Variants in SLC7A6 observed in about 807,000 individuals in gnomAD.
SLC7A6 encodes Y+L amino acid transporter 2.
A neutral mutation model predicts 46.6 loss-of-function variants in SLC7A6; 29 were observed. The ratio of observed to expected loss-of-function variants is 0.62; its 90% confidence interval spans 0.46 to 0.85. The LOEUF (loss-of-function observed/expected upper bound fraction) is 0.85, where lower values mean the gene tolerates loss of function less well. SLC7A6 is among the 40% of genes least tolerant of loss of function. The pLI, the probability that SLC7A6 is intolerant of heterozygous loss-of-function variation, is 0.00. For synonymous variants in SLC7A6, 276 were observed against 257.3 expected (o/e 1.07, Z -0.70); for missense variants, 527 against 647.6 (o/e 0.81, Z 2.02).
chr16:68,273,410 AT>A (rs1381186782), intron 2 of SLC7A6, among the ~76,000 whole-genome samples: 1 of 152,148 alleles, frequency 6.6e-6, no homozygotes, highest in African/African-American at 2.4e-5. Context: ...GGCCCACCAG[AT>A]TTCTTCTGAA....
chr16:68,279,731 G>GT (rs2042795585), intron 3 of SLC7A6, among the ~76,000 whole-genome samples: 1 of 152,144 alleles, frequency 6.6e-6, no homozygotes, highest in Admixed American at 6.6e-5. Context: ...TAGAGATGCG[G>GT]TTTTACCATA....
chr16:68,291,771 G>GTGTGTGTA (rs1405321446), intron 7 of SLC7A6, 110 bp downstream of exon 7: 20 of 625,964 alleles, frequency 3.2e-5, no homozygotes, highest in Non-Finnish European at 4.6e-5. Context: ...GGGTGTGTGT[G>GTGTGTGTA]TGTGTGTGTG....
At chr16:68,290,942 C>A in intron 5 of SLC7A6, 1 of 505,434 alleles carries the variant, frequency 2.0e-6, no homozygotes. Context: ...CCTCTGAGAT[C>A]ACAGATGCAG....
intron 2 of SLC7A6, among the ~76,000 whole-genome samples, chr16:68,268,250 G>A (rs2042568487): frequency 1.3e-5 from 2 of 152,202 alleles, no homozygotes; most frequent in African/African-American, 2.4e-5. Flanking sequence ...TTGTGGAACT[G>A]AGCCCTTCTG....
In SLC7A6 at chr16:68,296,510, C is replaced by A. The variant is rs1260194441; in HGVS notation, c.1266C>A (p.Leu422=). 9.3e-6 allele frequency: 15 copies of A among 1,614,072 alleles called. No homozygotes were observed. The highest frequency in any genetic ancestry group is 1.2e-5 in the Non-Finnish European group (14 of 1,180,036). The change falls in exon 9 of 11, where the codon CTC becomes CTA. Residue 422 remains leucine, a synonymous_variant. Transcript: ENST00000219343. ...RWKEPKRPRP[L]KLSVFFPIVF... is the part of the protein sequence containing the mutation. ...AGGAGCCCAAGCGGCCCCGGCCTCT[C>A]AAGGTCAGCAGCTCTGGCCAGACTA...
intron 2 of SLC7A6, among the ~76,000 whole-genome samples, chr16:68,267,505 G>A (rs975020896): frequency 2.6e-5 from 4 of 152,058 alleles, no homozygotes. Context: ...GTGAGACACC[G>A]CGCCTGGCCA....
At chr16:68,296,858 C>T (rs369674092) in intron 10 of SLC7A6, 48 bp downstream of exon 10, 22 of 1,594,592 alleles carry the variant, frequency 1.4e-5, no homozygotes, top group South Asian at 2.2e-5. Context: ...TGTGTGCATG[C>T]GCATGCAGAG....
Position 68,300,857 on chromosome 16 carries a change from G to C in SLC7A6, c.*3529G>C. 4 of 987,968 alleles carry C rather than the reference G, an allele frequency of 4.0e-6. No homozygotes were observed. The highest frequency in any genetic ancestry group is 3.6e-6 in the Non-Finnish European group (3 of 831,758). The allele number at this position is 987,968 out of a possible 1,614,324, so 61.2% of individuals were successfully genotyped here. On this transcript the variant is annotated 3_prime_UTR_variant, in exon 11 of 11. Transcript: ENST00000219343. ...GTACCCCTTTTAGATTCTATCAAAA[G>C]GAACAGGGTTTTCCTAGAGGCAGGC...
chr16:68,295,992 C>T (rs2043156473), intron 8 of SLC7A6, among the ~76,000 whole-genome samples: 2 of 152,122 alleles, frequency 1.3e-5, no homozygotes, highest in Non-Finnish European at 1.5e-5. Flanking sequence ...AGGCGTTTCC[C>T]CCATTTGTAT....
intron 10 of SLC7A6, 145 bp downstream of exon 10, chr16:68,296,955 A>G: frequency 1.1e-6 from 1 of 871,418 alleles, no homozygotes; most frequent in Non-Finnish European, 1.8e-6. Flanking sequence ...TTTGATTTTG[A>G]CATGATCACT....
intron 4 of SLC7A6, 144 bp from the exon 5 acceptor site, chr16:68,290,252 C>T: frequency 1.9e-4 from 142 of 745,280 alleles, no homozygotes; most frequent in South Asian, 1.0e-3. Flanking sequence ...TTTCTTGTTC[C>T]TCCCCATTCC....
chr16:68,289,874 G>A (rs1466813563), intron 4 of SLC7A6, among the ~76,000 whole-genome samples: 1 of 152,202 alleles, frequency 6.6e-6, no homozygotes, highest in African/African-American at 2.4e-5. Context: ...CCATGAGGCT[G>A]ATAAACCCAT....
In SLC7A6 at chr16:68,300,649, G is replaced by T; in HGVS notation, c.*3321G>T. ...CAAAGCTAGATTTTACTAAACACAT[G>T]TATCACATTCATATATATTGTTTCT... On this transcript the variant is annotated 3_prime_UTR_variant, in exon 11 of 11. Coordinates refer to ENST00000219343, the MANE Select transcript of SLC7A6 (RefSeq NM_003983.6). 1 of 985,426 alleles carries T rather than the reference G, an allele frequency of 1.0e-6. No individual in the cohort carries two copies. Among genetic ancestry groups the T allele is most frequent in the Non-Finnish European group, 1.2e-6 (1 of 829,924 alleles). 61.0% of individuals were successfully genotyped at this position (985,426 alleles called of 1,614,324 possible).
Position 68,300,531 on chromosome 16 carries a change from T to C in SLC7A6, c.*3203T>C. ...TCCCTTGCCTTAAGTCCTTGGTATTTATAATCAATGCTGAACCTTCTATTT... is the reference window on the plus strand; with the variant it reads ...TCCCTTGCCTTAAGTCCTTGGTATTCATAATCAATGCTGAACCTTCTATTT... On this transcript the variant is annotated 3_prime_UTR_variant, in exon 11 of 11. Coordinates refer to ENST00000219343, the MANE Select transcript of SLC7A6 (RefSeq NM_003983.6). 1.2e-6 allele frequency: 1 copy of C among 831,470 alleles called. No individual in the cohort carries two copies. The highest frequency in any genetic ancestry group is 5.5e-5 in the South Asian group (1 of 18,270). 51.5% of individuals were successfully genotyped at this position (831,470 alleles called of 1,614,324 possible).
intron 2 of SLC7A6, among the ~76,000 whole-genome samples, chr16:68,269,838 G>A (rs1413087090): frequency 6.6e-6 from 1 of 152,062 alleles, no homozygotes. Context: ...TGCCATCATG[G>A]TTCACTGCAG....
chr16:68,268,258 C>A (rs1376172053), intron 2 of SLC7A6, among the ~76,000 whole-genome samples: 1 of 152,178 alleles, frequency 6.6e-6, no homozygotes, highest in Non-Finnish European at 1.5e-5. Context: ...CTGAGCCCTT[C>A]TGCTGTGGGA....
chr16:68,296,448 G>C lies in SLC7A6; in HGVS notation c.1204G>C (p.Gly402Arg). The change falls in exon 9 of 11, where the codon GGC becomes CGC. Residue 402 changes from glycine to arginine, a missense_variant. By Grantham distance (125) the Gly-to-Arg change is moderately radical. Transcript: ENST00000219343. Reference sequence around the variant, plus strand: ...CAGCTTCAGCTACTGGTTCTTCGTGGGCCTGTCTGTTGTTGGACAGCTCTA... The same window carrying C: ...CAGCTTCAGCTACTGGTTCTTCGTGCGCCTGTCTGTTGTTGGACAGCTCTA... ...YFSFSYWFFVGLSVVGQLYLR... is the reference protein window; with the variant it reads ...YFSFSYWFFVRLSVVGQLYLR... 6.2e-7 allele frequency: 1 copy of C among 1,614,098 alleles called. No homozygotes were observed. The highest frequency in any genetic ancestry group is 1.1e-5 in the South Asian group (1 of 91,066).
At chr16:68,288,381 A>G (rs1477660119) in intron 4 of SLC7A6, among the ~76,000 whole-genome samples, 1 of 152,186 alleles carries the variant, frequency 6.6e-6, no homozygotes, top group Non-Finnish European at 1.5e-5. Context: ...AAATATTAAA[A>G]TATTGTGAAA....
intron 3 of SLC7A6, among the ~76,000 whole-genome samples, chr16:68,285,972 C>T (rs1187405767): frequency 6.6e-6 from 1 of 150,652 alleles, no homozygotes; most frequent in Non-Finnish European, 1.5e-5. Context: ...TGGTGTGCAC[C>T]TGTGGTCCCA....
Sources: allele counts gnomAD v4.1 joint callset (sites outside exome capture counted in the v4.1 genomes callset), GRCh38; gene constraint gnomAD v4.1.1; transcripts MANE v1.5; gene names NCBI Gene and HGNC (gene_info 2026-07-23, HGNC 2026-07-21).